PTPRQ: variants seen among roughly 807,000 people sequenced by gnomAD.
PTPRQ encodes phosphatidylinositol phosphatase PTPRQ.
In PTPRQ, 199 loss-of-function variants were observed where a neutral mutation model predicts 246.0. The observed-to-expected ratio is 0.81, with a 90% CI of 0.72 to 0.91. The LOEUF is 0.91. Ranked by LOEUF, PTPRQ falls within the 40% of genes least tolerant of loss-of-function variation. The probability of loss-of-function intolerance (pLI) is 0.00; values close to 1 mark genes in which losing one functional copy is unlikely to be tolerated. For synonymous variants in PTPRQ, 869 were observed against 853.2 expected, an observed-to-expected ratio of 1.02 and a Z score of -0.32; for missense variants, 2,624 against 2,528.4, an observed-to-expected ratio of 1.04 and a Z score of -0.81.
chr12:80,542,364 G>C lies in PTPRQ; in HGVS notation c.3721G>C (p.Val1241Leu). ...SILFFYTDES[V>L]PLAPPQNLTL... ...TCTTTTCTTTTACACAGATGAGTCA[G>C]GTAAGCCAGAATCCACATTTCTTCA... is the stretch of plus-strand genomic sequence containing the variant. The change falls in exon 22 of 45, where the codon GTG (valine) becomes CTG (leucine). Residue 1241 changes from valine to leucine, a missense_variant and splice_region_variant. Physicochemically the swap from Val to Leu is conservative, Grantham distance 32 (BLOSUM62 1). Transcript: ENST00000644991. 1 of 1,525,636 alleles carries C rather than the reference G, an allele frequency of 6.6e-7. No homozygotes were observed. The highest frequency in any genetic ancestry group is 1.3e-5 in the South Asian group (1 of 77,770). The allele number at this position is 1,525,636 out of a possible 1,614,324, so 94.5% of individuals were successfully genotyped here.
intron 38 of PTPRQ, among the ~76,000 whole-genome samples, 157 bp from the exon 39 acceptor site, chr12:80,657,828 G>T (rs1900493885): frequency 6.6e-6 from 1 of 151,526 alleles, no homozygotes; most frequent in Non-Finnish European, 1.5e-5. Context: ...GTCTCTGGGT[G>T]GTAGAAATAT....
chr12:80,542,714 A>G lies in PTPRQ; in HGVS notation c.3722-16A>G, dbSNP rs983125911. 5.9e-6 allele frequency: 9 copies of G among 1,525,020 alleles called. No homozygotes were observed. Among genetic ancestry groups the G allele is most frequent in the African/African-American group, 5.6e-5 (4 of 71,140 alleles). 94.5% of individuals were successfully genotyped at this position (1,525,020 alleles called of 1,614,324 possible). On this transcript the variant is annotated splice_polypyrimidine_tract_variant and intron_variant, in intron 22 of 44. Transcript: ENST00000644991. ...AAGTTTTATGAATGTAAGTTTCTTC[A>G]TGTGTTTTCCTACAGTGCCGTTAGC... is the stretch of plus-strand genomic sequence containing the variant.
intron 3 of PTPRQ, among the ~76,000 whole-genome samples, chr12:80,448,508 A>G (rs886337556): frequency 5.3e-5 from 8 of 151,848 alleles, no homozygotes; most frequent in South Asian, 2.1e-4. Context: ...ATATCTCCCA[A>G]TGCTATCCCT....
At position 80,670,511 on chromosome 12, in the gene PTPRQ, A is replaced by C. The variant is rs1414468650; in HGVS notation, c.6602+19A>C. 1 of 1,518,166 alleles carries C rather than the reference A, an allele frequency of 6.6e-7. No homozygotes were observed. Among genetic ancestry groups the C allele is most frequent in the East Asian group, 2.5e-5 (1 of 39,692 alleles). 94.0% of individuals were successfully genotyped at this position (1,518,166 alleles called of 1,614,324 possible). The stretch of plus-strand genomic sequence containing the variant: ...ACTGCAGGTGAGAAAGTGATCAGAA[A>C]TGGCCTTTGAACCCATTGGTCTTTT... On this transcript the variant is annotated intron_variant, in intron 42 of 44. Transcript: ENST00000644991.
intron 8 of PTPRQ, among the ~76,000 whole-genome samples, chr12:80,481,725 CCAA>C (rs1479902188): frequency 1.3e-5 from 2 of 151,944 alleles, no homozygotes; most frequent in Non-Finnish European, 2.9e-5. Flanking sequence ...TTCTTATACA[CCAA>C]CAACAGACAA....
intron 17 of PTPRQ, among the ~76,000 whole-genome samples, chr12:80,513,266 A>C (rs1895177972): frequency 1.3e-5 from 2 of 151,906 alleles, no homozygotes; most frequent in Admixed American, 1.3e-4. Flanking sequence ...AGCCAGAGGG[A>C]AATGGAGTGG....
intron 6 of PTPRQ, among the ~76,000 whole-genome samples, chr12:80,468,189 G>A (rs906817713): frequency 4.6e-5 from 7 of 151,962 alleles, no homozygotes; most frequent in Non-Finnish European, 1.0e-4. Context: ...TATTACATTT[G>A]AATCCTCCAA....
chr12:80,506,002 T>C (rs1327770779), intron 14 of PTPRQ, 22 bp from the exon 15 acceptor site: 1 of 1,531,972 alleles, frequency 6.5e-7, no homozygotes, highest in Non-Finnish European at 8.8e-7. Flanking sequence ...GTTTTATGTA[T>C]CTATATTTTT....
In PTPRQ at chr12:80,678,596, G is replaced by A. The variant is rs1901219409; in HGVS notation, c.6739-6G>A. Reference sequence around the variant, plus strand: ...TTTGTTTAACCACTCTGTCTTTGGTGTCTAGGCACAGTATATCTTTTTACA... The same window carrying A: ...TTTGTTTAACCACTCTGTCTTTGGTATCTAGGCACAGTATATCTTTTTACA... On this transcript the variant is annotated splice_region_variant and splice_polypyrimidine_tract_variant and intron_variant, in intron 43 of 44. Coordinates refer to ENST00000644991, the MANE Select transcript of PTPRQ (RefSeq NM_001145026.2). 1.3e-6 allele frequency: 2 copies of A among 1,543,822 alleles called. No homozygotes were observed. Among genetic ancestry groups the A allele is most frequent in the Non-Finnish European group, 1.7e-6 (2 of 1,143,476 alleles).
chr12:80,447,666 C>T (rs1432906027), intron 3 of PTPRQ, among the ~76,000 whole-genome samples: 1 of 150,644 alleles, frequency 6.6e-6, no homozygotes, highest in African/African-American at 2.5e-5. Flanking sequence ...TATCCTTTCC[C>T]CATTGTTTAT....
chr12:80,673,669 G>A (rs888035366), intron 43 of PTPRQ, among the ~76,000 whole-genome samples: 14 of 151,904 alleles, frequency 9.2e-5, no homozygotes, highest in Non-Finnish European at 1.8e-4. Flanking sequence ...GTTATAAATG[G>A]GAAAACAGTT....
chr12:80,605,167 T>C lies in PTPRQ; in HGVS notation c.4718T>C (p.Ile1573Thr), dbSNP rs1289646722. ...AVITGPTCYL[I>T]DVKSVDNDEF... ...ATTACTGGACCAACATGTTATCTGA[T>C]TGATGTCAAATCGGTAAGGCATGTC... Residue 1573 changes from isoleucine to threonine, a missense_variant, in exon 27 of 45, where the codon ATT (isoleucine) becomes ACT (threonine). By Grantham distance (89) the Ile-to-Thr change is moderately conservative. Coordinates refer to ENST00000644991, the MANE Select transcript of PTPRQ (RefSeq NM_001145026.2). 10 of 1,541,346 alleles carry C rather than the reference T, an allele frequency of 6.5e-6. No individual in the cohort carries two copies. Among genetic ancestry groups the C allele is most frequent in the East Asian group, 2.5e-5 (1 of 40,414 alleles).
intron 35 of PTPRQ, among the ~76,000 whole-genome samples, chr12:80,637,101 AAT>A (rs1242418583): frequency 6.6e-6 from 1 of 152,144 alleles, no homozygotes; most frequent in Non-Finnish European, 1.5e-5. Flanking sequence ...CTCTATTAAA[AAT>A]ATAAAATTAG....
intron 3 of PTPRQ, among the ~76,000 whole-genome samples, chr12:80,447,837 G>A (rs1449379526): frequency 4.6e-5 from 7 of 152,016 alleles, no homozygotes; most frequent in Admixed American, 4.6e-4. Flanking sequence ...GTAATGTGAT[G>A]CCTCCAGATT....
chr12:80,573,151 A>T (rs1173678384), intron 25 of PTPRQ, among the ~76,000 whole-genome samples: 1 of 152,106 alleles, frequency 6.6e-6, no homozygotes, highest in Non-Finnish European at 1.5e-5. Flanking sequence ...TATTACTTTG[A>T]CTTCTTTAAT....
intron 17 of PTPRQ, among the ~76,000 whole-genome samples, chr12:80,514,394 ACACACACACT>A (rs1209958926): frequency 4.6e-5 from 3 of 65,802 alleles, no homozygotes; most frequent in African/African-American, 1.5e-4. Context: ...ACACACACAC[ACACACACACT>A]CTCTCTCTCT....
chr12:80,614,166 T>C (rs1898661880), intron 29 of PTPRQ, among the ~76,000 whole-genome samples: 1 of 150,734 alleles, frequency 6.6e-6, no homozygotes, highest in Non-Finnish European at 1.5e-5. Context: ...AGCTATATGA[T>C]TATGAATTTA....
At chr12:80,557,298 C>T (rs760152239) in intron 25 of PTPRQ, among the ~76,000 whole-genome samples, 22 of 151,932 alleles carry the variant, frequency 1.4e-4, no homozygotes, top group Non-Finnish European at 2.9e-4. Context: ...TTCCTCCCAG[C>T]TAGAATTTTC....
rs1383811053 is a variant in PTPRQ, at chr12:80,445,665, G to C, written c.338G>C (p.Ser113Thr). The change falls in exon 3 of 45, where the codon AGT (serine) becomes ACT (threonine). Residue 113 changes from serine (S) to threonine (T), a missense_variant. Ser to Thr is a moderately conservative substitution (Grantham distance 58). Coordinates refer to ENST00000644991, the MANE Select transcript of PTPRQ (RefSeq NM_001145026.2). ...ACACAAGTCAGATCAAAGCCAGACA[G>C]TCTGGAAGTTCTTCTTACTAATCTT... is the stretch of plus-strand genomic sequence containing the variant. The part of the protein sequence containing the change: ...VYTQVRSKPD[S>T]LEVLLTNLNP... 1.3e-6 allele frequency: 2 copies of C among 1,549,958 alleles called. No individual in the cohort carries two copies. The highest frequency in any genetic ancestry group is 1.7e-6 in the Non-Finnish European group (2 of 1,145,854).
Sources: allele counts gnomAD v4.1 joint callset (sites outside exome capture counted in the v4.1 genomes callset), GRCh38; gene constraint gnomAD v4.1.1; transcripts MANE v1.5; gene names NCBI Gene and HGNC (gene_info 2026-07-23, HGNC 2026-07-21).